The following PIP5K1B variants were observed in gnomAD, a reference collection of about 807,000 sequenced individuals.
The protein encoded by PIP5K1B is phosphatidylinositol 4-phosphate 5-kinase type-1 beta.
PIP5K1B carries 42 observed loss-of-function variants against 67.0 expected under a neutral mutation model. The observed-to-expected ratio is 0.63, with a 90% confidence interval of 0.49 to 0.81. PIP5K1B has a LOEUF of 0.81. PIP5K1B is among the 30% of genes least tolerant of loss of function. The pLI is 0.00. For synonymous variants in PIP5K1B, 214 were observed against 231.4 expected, an observed-to-expected ratio of 0.92 and a Z score of 0.68; for missense variants, 459 against 646.3, an observed-to-expected ratio of 0.71 and a Z score of 3.14.
At chr9:68,781,829 T>C (rs1373178645) in intron 2 of PIP5K1B, 1 of 167,028 alleles carries the variant, frequency 6.0e-6, no homozygotes, top group African/African-American at 2.4e-5. Flanking sequence ...CTTTGCCCAC[T>C]ATACATAGGC....
chr9:68,785,156 G>T (rs1831539352), intron 2 of PIP5K1B, among the ~76,000 whole-genome samples: 1 of 152,192 alleles, frequency 6.6e-6, no homozygotes, highest in African/African-American at 2.4e-5. Flanking sequence ...GGTTAAGTGG[G>T]TACTAGGTAA....
chr9:68,838,440 A>T (rs537587787), intron 4 of PIP5K1B, among the ~76,000 whole-genome samples: 5 of 152,362 alleles, frequency 3.3e-5, no homozygotes, highest in Admixed American at 2.6e-4. Flanking sequence ...ATTAATAGAT[A>T]CATAAATAAA....
At chr9:68,712,876 G>T (rs978424223) in intron 1 of PIP5K1B, among the ~76,000 whole-genome samples, 1 of 152,162 alleles carries the variant, frequency 6.6e-6, no homozygotes, top group Non-Finnish European at 1.5e-5. Context: ...GTTAAAATGG[G>T]CTCTAAATGT....
At chr9:68,883,116 A>G (rs1049209291) in intron 6 of PIP5K1B, among the ~76,000 whole-genome samples, 39 of 152,206 alleles carry the variant, frequency 2.6e-4, no homozygotes, top group South Asian at 2.1e-4. Context: ...TCCAGTAGAT[A>G]TTATTACCTT....
At chr9:68,848,864 A>G (rs115929952) in intron 4 of PIP5K1B, among the ~76,000 whole-genome samples, 2,071 of 152,340 alleles carry the variant, frequency 0.014, 45 homozygotes, top group African/African-American at 0.047. Context: ...TTAAGAGCAA[A>G]TAATACAATT....
chr9:68,954,604 G>T (rs1828287555), intron 14 of PIP5K1B, among the ~76,000 whole-genome samples: 1 of 152,178 alleles, frequency 6.6e-6, no homozygotes, highest in African/African-American at 2.4e-5. Context: ...AGAGTTCTTT[G>T]TATCTTAGCT....
intron 2 of PIP5K1B, among the ~76,000 whole-genome samples, chr9:68,792,670 A>G (rs1028689603): frequency 5.9e-5 from 9 of 152,072 alleles, no homozygotes; most frequent in Non-Finnish European, 1.2e-4. Context: ...TAGTAGAGAC[A>G]GGGTTTCGCT....
intron 1 of PIP5K1B, among the ~76,000 whole-genome samples, chr9:68,724,718 T>C (rs1564089581): frequency 6.6e-6 from 1 of 152,158 alleles, no homozygotes; most frequent in Non-Finnish European, 1.5e-5. Flanking sequence ...TGATTTCTTT[T>C]TCGATTTGAT....
At chr9:68,997,615 G>C (rs1830651275) in intron 15 of PIP5K1B, among the ~76,000 whole-genome samples, 5 of 152,110 alleles carry the variant, frequency 3.3e-5, no homozygotes, top group Admixed American at 3.3e-4. Flanking sequence ...ATAAATTAGG[G>C]CCCTTGTTTG....
At chr9:68,839,995 A>G (rs1821834276) in intron 4 of PIP5K1B, among the ~76,000 whole-genome samples, 2 of 152,240 alleles carry the variant, frequency 1.3e-5, no homozygotes, top group Admixed American at 6.5e-5. Flanking sequence ...ATTTCAACCC[A>G]GTGCCAATTA....
Position 68,988,449 on chromosome 9 carries a change from T to TG in PIP5K1B, c.1503-2691_1503-2690insG, listed in dbSNP as rs1223660933. 1.1e-3 allele frequency among the ~76,000 whole-genome samples: 71 copies of TG among 65,706 alleles called. 1 individual carries two copies. Among genetic ancestry groups the TG allele is most frequent in the African/African-American group, 4.9e-3 (71 of 14,344 alleles). 43.1% of individuals were successfully genotyped at this position (65,706 alleles called of 152,430 possible). A position where few individuals can be genotyped will look rare whatever the true frequency, so the allele number is the denominator to read the frequency against. ...AACTTAGTTGTTTTTTTGGGGTTTT[T>TG]TTTTTTTTTTTTTTTTTTGAGATGA... On this transcript the variant is annotated intron_variant, in intron 14 of 15. Coordinates refer to ENST00000265382, the MANE Select transcript of PIP5K1B (RefSeq NM_003558.4).
intron 2 of PIP5K1B, among the ~76,000 whole-genome samples, chr9:68,792,480 G>C (rs1458947091): frequency 6.6e-6 from 1 of 151,786 alleles, no homozygotes; most frequent in Non-Finnish European, 1.5e-5. Context: ...TTGTTTGTTT[G>C]TTTGTTTGTT....
chr9:68,868,878 G>A (rs1365084151), intron 5 of PIP5K1B, among the ~76,000 whole-genome samples: 1 of 152,208 alleles, frequency 6.6e-6, no homozygotes, highest in Non-Finnish European at 1.5e-5. Flanking sequence ...AAAACAGACT[G>A]CCCTTGGGTT....
At chr9:68,854,528 G>A (rs1467935056) in intron 4 of PIP5K1B, among the ~76,000 whole-genome samples, 1 of 152,120 alleles carries the variant, frequency 6.6e-6, no homozygotes, top group Middle Eastern at 3.2e-3. Context: ...ACATTTAGAG[G>A]AACAGTGGGA....
rs147092280 is a variant in PIP5K1B, at chr9:69,007,595, C to T, written c.1621-852C>T. ...AAATCAGGCCGGGTGAGGTGGCTCA[C>T]GCCTGTAATCCCAGCACTTTGGGAG... On this transcript the variant is annotated intron_variant, in intron 15 of 15. Coordinates refer to ENST00000265382, the MANE Select transcript of PIP5K1B (RefSeq NM_003558.4). Among the ~76,000 whole-genome samples, 578 of 152,272 alleles carry T rather than the reference C, an allele frequency of 3.8e-3. 2 individuals carry two copies. Among genetic ancestry groups the T allele is most frequent in the African/African-American group, 0.013 (531 of 41,554 alleles).
chr9:68,856,012 G>A (rs1306282031), intron 4 of PIP5K1B, among the ~76,000 whole-genome samples: 1 of 152,138 alleles, frequency 6.6e-6, no homozygotes, highest in Non-Finnish European at 1.5e-5. Flanking sequence ...TCAAGGTGTT[G>A]ACAAGGCTGC....
intron 1 of PIP5K1B, among the ~76,000 whole-genome samples, chr9:68,707,218 G>A (rs1827166834): frequency 1.3e-5 from 2 of 152,142 alleles, no homozygotes; most frequent in African/African-American, 4.8e-5. Context: ...TACCTGAGAA[G>A]GAAAACTGTG....
chr9:68,799,350 C>G (rs556250290), intron 2 of PIP5K1B, among the ~76,000 whole-genome samples: 2 of 152,198 alleles, frequency 1.3e-5, no homozygotes, highest in South Asian at 4.2e-4. Flanking sequence ...AGTTGCACTT[C>G]TTATCAAAAT....
Position 68,919,578 on chromosome 9 carries a change from A to C in PIP5K1B, c.1067+16A>C. 6.8e-7 allele frequency: 1 copy of C among 1,475,498 alleles called. No individual in the cohort carries two copies. The highest frequency in any genetic ancestry group is 1.4e-5 in the African/African-American group (1 of 71,494). 91.4% of individuals were successfully genotyped at this position (1,475,498 alleles called of 1,614,324 possible). ...AATCATATAGGTAAGAAGTTTGAGG[A>C]GTGGTCTTTTATTATTTCAAAATCA... On this transcript the variant is annotated intron_variant, in intron 10 of 15. Coordinates refer to ENST00000265382, the MANE Select transcript of PIP5K1B (RefSeq NM_003558.4).
Sources: allele counts gnomAD v4.1 joint callset (sites outside exome capture counted in the v4.1 genomes callset), GRCh38; gene constraint gnomAD v4.1.1; transcripts MANE v1.5; gene names NCBI Gene and HGNC (gene_info 2026-07-23, HGNC 2026-07-21).